Variants in TLN2 observed in about 807,000 individuals in gnomAD.
TLN2 encodes talin-2.
In TLN2, 118 loss-of-function variants were observed where a neutral mutation model predicts 294.7. The ratio of observed to expected loss-of-function variants is 0.40; its 90% CI spans 0.34 to 0.47. The LOEUF (loss-of-function observed/expected upper bound fraction) is 0.47. TLN2 is among the 20% of genes least tolerant of loss of function. TLN2 has a pLI of 0.84. For missense variants in TLN2, 3,083 were observed against 3,282.2 expected, an observed-to-expected ratio of 0.94 and a Z score of 1.48; for synonymous variants, 1,431 against 1,304.5, an observed-to-expected ratio of 1.10 and a Z score of -2.09.
chr15:62,673,729 C>T (rs1363117990), intron 9 of TLN2, 98 bp from the exon 10 acceptor site: 1 of 874,478 alleles, frequency 1.1e-6, no homozygotes, highest in Non-Finnish European at 1.8e-6. Context: ...TATTGGGAGA[C>T]TTAGTGAGTT....
At chr15:62,575,607 C>T (rs1028098181) in intron 1 of TLN2, among the ~76,000 whole-genome samples, 1 of 148,666 alleles carries the variant, frequency 6.7e-6, no homozygotes, top group Non-Finnish European at 1.5e-5. Context: ...ACTTAAAAAA[C>T]ACACACACAC....
chr15:62,728,951 G>T (rs1232313554), intron 28 of TLN2, among the ~76,000 whole-genome samples: 1 of 152,038 alleles, frequency 6.6e-6, no homozygotes, highest in Non-Finnish European at 1.5e-5. Flanking sequence ...GTTCTCCTCT[G>T]TCGTATTCTA....
chr15:62,734,941 C>T (rs1354126668), intron 28 of TLN2, among the ~76,000 whole-genome samples: 2 of 152,164 alleles, frequency 1.3e-5, no homozygotes, highest in African/African-American at 4.8e-5. Context: ...AGACTACACT[C>T]ACTGGTGCCG....
chr15:62,804,679 G>A (rs564367727), intron 50 of TLN2, among the ~76,000 whole-genome samples: 3 of 152,326 alleles, frequency 2.0e-5, no homozygotes, highest in East Asian at 3.9e-4. Context: ...GCATTCAAGG[G>A]TGAAGTGGGG....
At chr15:62,535,622 T>C (rs1596045415) in intron 1 of TLN2, among the ~76,000 whole-genome samples, 1 of 151,738 alleles carries the variant, frequency 6.6e-6, no homozygotes, top group East Asian at 1.9e-4. Context: ...GTGGCACAAT[T>C]GCAGCTCACT....
At chr15:62,537,143 C>T (rs1017427512) in intron 1 of TLN2, among the ~76,000 whole-genome samples, 2 of 151,942 alleles carry the variant, frequency 1.3e-5, no homozygotes, top group Non-Finnish European at 2.9e-5. Context: ...CTCAGCCTCC[C>T]GAGTAGCTGG....
intron 1 of TLN2, among the ~76,000 whole-genome samples, chr15:62,569,811 A>G (rs1170497136): frequency 2.0e-5 from 3 of 152,216 alleles, no homozygotes; most frequent in African/African-American, 4.8e-5. Context: ...ATGTGAATGC[A>G]GACAGTTTAA....
chr15:62,808,305 A>G (rs565943770), intron 51 of TLN2, among the ~76,000 whole-genome samples: 1 of 152,120 alleles, frequency 6.6e-6, no homozygotes, highest in Non-Finnish European at 1.5e-5. Context: ...CTGTGTTGCT[A>G]TATTGCTGAC....
At position 62,694,369 on chromosome 15, in the gene TLN2, A is replaced by G. The variant is rs373877182; in HGVS notation, c.1269A>G (p.Leu423=). The G allele has an allele frequency of 8.1e-6, 13 of 1,614,032 alleles. No individual in the cohort carries two copies. The highest frequency in any genetic ancestry group is 4.0e-5 in the African/African-American group (3 of 74,940). Residue 423 remains leucine (L), a synonymous_variant, in exon 14 of 59, where the codon TTA becomes TTG. Transcript: ENST00000636159. The part of the protein sequence containing the change: ...GLEGDEESTM[L]EESVSPKKST... ...AAGGTGATGAGGAGTCAACCATGTT[A>G]GAAGAGTCCGTTTCCCCAAAAAAGT...
At chr15:62,497,816 T>C (rs182427059) in intron 1 of TLN2, among the ~76,000 whole-genome samples, 1 of 152,288 alleles carries the variant, frequency 6.6e-6, no homozygotes, top group Non-Finnish European at 1.5e-5. Context: ...GGTTCCTTTT[T>C]TCCATGGTGG....
intron 3 of TLN2, chr15:62,638,621 G>A (rs1450133708): frequency 2.2e-6 from 1 of 455,962 alleles, no homozygotes; most frequent in Admixed American, 2.3e-5. Context: ...TTCTTCACCT[G>A]AAAATGGAAA....
intron 8 of TLN2, 128 bp from the exon 9 acceptor site, chr15:62,657,643 G>A (rs2053376773): frequency 7.2e-7 from 1 of 1,397,542 alleles, no homozygotes; most frequent in East Asian, 2.4e-5. Context: ...TCCTGCACAT[G>A]TCACCGTGGG....
rs546167208 is a variant in TLN2 at position 62,817,956 on chromosome 15, C to T, written c.6772-1560C>T. 1.1e-4 allele frequency among the ~76,000 whole-genome samples: 17 copies of T among 151,638 alleles called. No individual in the cohort carries two copies. The South Asian group carries it at 3.1e-3, about 28-fold the overall frequency. On this transcript the variant is annotated intron_variant, in intron 52 of 58. Coordinates refer to ENST00000636159, the MANE Select transcript of TLN2 (RefSeq NM_015059.3). Reference sequence around the variant, plus strand: ...TCCTGAATAGCTGGGATTAGAGGCACCCGCCACCACACCCAGCTAATTTTT... The same window carrying T: ...TCCTGAATAGCTGGGATTAGAGGCATCCGCCACCACACCCAGCTAATTTTT...
chr15:62,783,719 C>T, intron 44 of TLN2, 52 bp from the exon 45 acceptor site: 2 of 1,458,236 alleles, frequency 1.4e-6, no homozygotes, highest in Middle Eastern at 1.9e-4. Context: ...ATGCGTTTCT[C>T]TCTGTGTGTG....
At chr15:62,684,374 A>C (rs61207534) in intron 11 of TLN2, among the ~76,000 whole-genome samples, 26,139 of 151,732 alleles carry the variant, frequency 0.17, 3,000 homozygotes, top group East Asian at 0.47. Context: ...TCAAGCTAAA[A>C]CTCTGTGTGG....
At position 62,478,432 on chromosome 15, in the gene TLN2, A is replaced by G. The variant is rs115677429; in HGVS notation, c.-238+87747A>G. On this transcript the variant is annotated intron_variant, in intron 1 of 58. Transcript: ENST00000636159. ...ATGGCAACTTTAAAATGTTGCTTCT[A>G]TAGCACTGTGGCTCCTTGAGGTGGG... 2.1e-3 allele frequency among the ~76,000 whole-genome samples: 325 copies of G among 152,302 alleles called. 4 individuals carry two copies. The highest frequency in any genetic ancestry group is 7.3e-3 in the African/African-American group (304 of 41,560).
At position 62,797,197 on chromosome 15, in the gene TLN2, C is replaced by T. The variant is rs188231934; in HGVS notation, c.6051-22C>T. On this transcript the variant is annotated intron_variant, in intron 47 of 58. Coordinates refer to ENST00000636159, the MANE Select transcript of TLN2 (RefSeq NM_015059.3). ...TTGCCCTCTGTCTCTCCCCCTCTCC[C>T]CTGCCCTCCTGGCTCTCTCAGGGAG... 4.8e-5 allele frequency: 77 copies of T among 1,613,938 alleles called. No homozygotes were observed. In the East Asian group the frequency reaches 9.8e-4, roughly 21 times the overall value.
intron 1 of TLN2, among the ~76,000 whole-genome samples, chr15:62,513,938 A>G (rs2040056693): frequency 6.6e-6 from 1 of 152,232 alleles, no homozygotes; most frequent in South Asian, 2.1e-4. Flanking sequence ...TCTAGGGCGG[A>G]GAATATTCCA....
intron 1 of TLN2, among the ~76,000 whole-genome samples, chr15:62,546,394 T>C: frequency 6.6e-6 from 1 of 152,236 alleles, no homozygotes; most frequent in East Asian, 1.9e-4. Flanking sequence ...TTGCTTTTTC[T>C]CTGATTGAAC....
Sources: gnomAD v4.1 joint callset for allele counts (sites outside exome capture counted in the v4.1 genomes callset) on GRCh38, gnomAD v4.1.1 for gene constraint, MANE v1.5 for transcripts, NCBI Gene and HGNC (gene_info 2026-07-23, HGNC 2026-07-21) for gene names.